Variants in IQCK observed in about 807,000 individuals in gnomAD.
IQCK encodes the protein IQ domain-containing protein K.
IQCK carries 29 observed loss-of-function variants against 28.1 expected under a neutral mutation model. The observed-to-expected ratio is 1.03, with a 90% CI of 0.77 to 1.41. The LOEUF is 1.41. Among genes scored for constraint, IQCK ranks in the 40% most tolerant of loss-of-function variants. The pLI is 0.00. For missense variants in IQCK, 359 were observed against 314.7 expected (o/e 1.14, Z -1.07); for synonymous variants, 113 against 115.1 (o/e 0.98, Z 0.12).
At chr16:19,799,595 TATAC>T (rs1172770072) in intron 7 of IQCK, among the ~76,000 whole-genome samples, 11,764 of 111,806 alleles carry the variant, frequency 0.11, 677 homozygotes, top group Non-Finnish European at 0.12. Context: ...TATATATATA[TATAC>T]ACACACACAC....
At chr16:19,812,123 G>C (rs1251751041) in intron 7 of IQCK, among the ~76,000 whole-genome samples, 4 of 151,954 alleles carry the variant, frequency 2.6e-5, no homozygotes, top group Admixed American at 6.6e-5. Context: ...CAGTGGCTGG[G>C]ATTACAGGCG....
At chr16:19,823,220 C>A (rs144947908) in intron 7 of IQCK, among the ~76,000 whole-genome samples, 2 of 152,226 alleles carry the variant, frequency 1.3e-5, no homozygotes, top group Admixed American at 6.5e-5. Context: ...CAGTGGTGAT[C>A]TGAAAAAGCA....
intron 4 of IQCK, among the ~76,000 whole-genome samples, chr16:19,763,299 A>G (rs1314383573): frequency 6.6e-6 from 1 of 152,138 alleles, no homozygotes; most frequent in Non-Finnish European, 1.5e-5. Flanking sequence ...CATTAAATGG[A>G]AGTGGATCAT....
rs529840617 is a variant in IQCK, at chr16:19,720,798, C to T, written c.181+2311C>T. ...TTGGGAGGCCAAGGCGGGTGGATCA[C>T]CTGCGGTCAGGAATTGGAGACTAGC... On this transcript the variant is annotated intron_variant, in intron 1 of 7. Coordinates refer to ENST00000564186, the Ensembl canonical transcript of IQCK. Among the ~76,000 whole-genome samples, 159 of 152,284 alleles carry T rather than the reference C, an allele frequency of 1.0e-3. 1 individual carries two copies. Among genetic ancestry groups the T allele is most frequent in the Non-Finnish European group, 1.6e-3 (112 of 68,032 alleles).
chr16:19,841,321 A>G (rs139850819), intron 9 of IQCK, among the ~76,000 whole-genome samples: 1 of 152,264 alleles, frequency 6.6e-6, no homozygotes, highest in Non-Finnish European at 1.5e-5. Context: ...CATGAGCCCT[A>G]CTGTTGCCAC....
At chr16:19,814,235 A>C (rs111498467) in intron 7 of IQCK, among the ~76,000 whole-genome samples, 19 of 148,310 alleles carry the variant, frequency 1.3e-4, no homozygotes, top group African/African-American at 4.6e-4. Flanking sequence ...AAAAAAAAAA[A>C]AAAAAAAAAA....
At chr16:19,835,322 G>A (rs1156644568) in intron 9 of IQCK, among the ~76,000 whole-genome samples, 1 of 151,998 alleles carries the variant, frequency 6.6e-6, no homozygotes, top group Non-Finnish European at 1.5e-5. Context: ...TTATAAACAT[G>A]TAACCATATT....
At chr16:19,723,848 T>G (rs1977571403) in intron 1 of IQCK, among the ~76,000 whole-genome samples, 3 of 151,818 alleles carry the variant, frequency 2.0e-5, no homozygotes, top group Non-Finnish European at 4.4e-5. Flanking sequence ...TAGTCCCAGC[T>G]ACTCAGGAGG....
At chr16:19,801,551 C>T (rs1270565517) in intron 7 of IQCK, among the ~76,000 whole-genome samples, 1 of 147,156 alleles carries the variant, frequency 6.8e-6, no homozygotes, top group East Asian at 1.9e-4. Flanking sequence ...GTGATCCTCC[C>T]TTCTTGTCCT....
chr16:19,766,926 C>T (rs1485589028), intron 6 of IQCK, among the ~76,000 whole-genome samples: 1 of 152,146 alleles, frequency 6.6e-6, no homozygotes, highest in Non-Finnish European at 1.5e-5. Flanking sequence ...AAAAATTTGC[C>T]AGGTGTGGTG....
chr16:19,735,359 C>G (rs775778373), exon 4 of IQCK: 1 of 1,613,020 alleles, frequency 6.2e-7, no homozygotes, highest in Non-Finnish European at 8.5e-7. Context: ...TTAGGTTCTC[C>G]CAAAGAATAT....
chr16:19,754,431 C>T lies in IQCK; in HGVS notation c.475-9417C>T, dbSNP rs547222952. Among the ~76,000 whole-genome samples the T allele has an allele frequency of 1.5e-4, 23 of 152,324 alleles. No homozygotes were observed. In the South Asian group the frequency reaches 2.7e-3, roughly 18 times the overall value. On this transcript the variant is annotated intron_variant, in intron 4 of 7. Transcript: ENST00000564186. ...CTGGGTAGAGGCCATAAGACCGCCT[C>T]TTCTCCTATCTTACTCCATGTAACG... is the stretch of plus-strand genomic sequence containing the variant.
chr16:19,746,062 G>A (rs551357596), intron 4 of IQCK, among the ~76,000 whole-genome samples: 22 of 151,878 alleles, frequency 1.4e-4, no homozygotes, highest in South Asian at 8.3e-4. Flanking sequence ...CCAGCTGCTC[G>A]GGAGGCTGAG....
chr16:19,849,275 T>TA (rs1555457045), intron 9 of IQCK, among the ~76,000 whole-genome samples: 2 of 151,318 alleles, frequency 1.3e-5, no homozygotes, highest in Non-Finnish European at 2.9e-5. Context: ...TTTTTTTTTT[T>TA]ATGTATTTGA....
chr16:19,832,621 T>C (rs1044697920), intron 9 of IQCK, among the ~76,000 whole-genome samples: 1 of 152,172 alleles, frequency 6.6e-6, no homozygotes, highest in East Asian at 1.9e-4. Flanking sequence ...AAATTATATA[T>C]ATTCAAGGTG....
chr16:19,782,997 T>TGTG (rs1555518772), intron 6 of IQCK, among the ~76,000 whole-genome samples: 3 of 150,822 alleles, frequency 2.0e-5, no homozygotes, highest in Admixed American at 6.6e-5. Context: ...TCTTCTTTTT[T>TGTG]TGTGTGTGTG....
chr16:19,784,131 G>A (rs2055530748), intron 6 of IQCK, among the ~76,000 whole-genome samples: 1 of 152,156 alleles, frequency 6.6e-6, no homozygotes, highest in Admixed American at 6.5e-5. Context: ...CGGAGGTTCA[G>A]ATAAATGAGT....
chr16:19,778,588 T>C (rs1000008565), intron 6 of IQCK, among the ~76,000 whole-genome samples: 2 of 151,902 alleles, frequency 1.3e-5, no homozygotes, highest in Admixed American at 6.6e-5. Flanking sequence ...ACCTGGGAGA[T>C]GGAGGCTGCA....
intron 7 of IQCK, among the ~76,000 whole-genome samples, chr16:19,810,738 G>C (rs1045973674): frequency 1.3e-5 from 2 of 151,390 alleles, no homozygotes; most frequent in Non-Finnish European, 2.9e-5. Flanking sequence ...CCTGGGAGGC[G>C]GAAGTTGTAG....
Sources: allele counts gnomAD v4.1 joint callset (sites outside exome capture counted in the v4.1 genomes callset), GRCh38; gene constraint gnomAD v4.1.1; transcripts MANE v1.5; gene names NCBI Gene and HGNC (gene_info 2026-07-23, HGNC 2026-07-21).